GABRA1: variants seen among roughly 807,000 people sequenced by gnomAD.
The protein encoded by GABRA1 is gamma-aminobutyric acid type A receptor subunit alpha1.
Under a neutral mutation model 48.9 loss-of-function variants are expected in GABRA1, and 9 were observed. The ratio of observed to expected loss-of-function variants is 0.18; its 90% CI spans 0.11 to 0.32. The LOEUF (loss-of-function observed/expected upper bound fraction) is 0.32, where lower values mean the gene tolerates loss of function less well. Ranked by LOEUF, GABRA1 falls within the 10% of genes least tolerant of loss-of-function variation. GABRA1 has a pLI of 1.00. For missense variants in GABRA1, 285 were observed against 553.8 expected (o/e 0.51, Z 4.87); for synonymous variants, 210 against 198.7 (o/e 1.06, Z -0.48).
At chr5:161,874,555 A>AT (rs985818771) in intron 5 of GABRA1, among the ~76,000 whole-genome samples, 2 of 152,134 alleles carry the variant, frequency 1.3e-5, no homozygotes, top group African/African-American at 4.8e-5. Context: ...TGGTTTATTG[A>AT]TTAATGGTTT....
chr5:161,893,818 C>A (rs1182025636), intron 8 of GABRA1, among the ~76,000 whole-genome samples: 4 of 152,042 alleles, frequency 2.6e-5, no homozygotes, highest in Admixed American at 2.6e-4. Flanking sequence ...AAAAATTTAG[C>A]AAATAAAAAA....
In GABRA1 at chr5:161,850,469, G is replaced by C. The variant is rs181252817; in HGVS notation, c.-15-327G>C. On this transcript the variant is annotated intron_variant, in intron 1 of 9. Coordinates refer to ENST00000393943, the MANE Select transcript of GABRA1 (RefSeq NM_001127644.2). ...ATTTAGATGATAAACAACAAGAAGA[G>C]AATAAACCAAACTATATTCTAAATA... is the stretch of plus-strand genomic sequence containing the variant. The C allele has an allele frequency of 1.7e-3, 815 of 491,310 alleles. 3 individuals carry two copies. Among genetic ancestry groups the C allele is most frequent in the African/African-American group, 0.014 (700 of 51,066 alleles). 30.4% of individuals were successfully genotyped at this position (491,310 alleles called of 1,614,324 possible).
At chr5:161,884,773 G>C (rs562259452) in intron 7 of GABRA1, among the ~76,000 whole-genome samples, 23 of 152,242 alleles carry the variant, frequency 1.5e-4, no homozygotes, top group African/African-American at 2.9e-4. Flanking sequence ...AGTCTCAAAG[G>C]TTGCTTAGAG....
At chr5:161,887,114 T>C (rs1239454900) in intron 7 of GABRA1, among the ~76,000 whole-genome samples, 1 of 152,202 alleles carries the variant, frequency 6.6e-6, no homozygotes, top group Non-Finnish European at 1.5e-5. Flanking sequence ...CTGCAAGTTC[T>C]CCATATTTAC....
intron 3 of GABRA1, among the ~76,000 whole-genome samples, chr5:161,859,437 G>C (rs1269827863): frequency 1.3e-5 from 2 of 151,752 alleles, no homozygotes; most frequent in African/African-American, 4.8e-5. Context: ...GCTTCTTAGG[G>C]AATTGGCTTG....
chr5:161,883,941 T>C (rs991292257), intron 7 of GABRA1, among the ~76,000 whole-genome samples: 3 of 152,056 alleles, frequency 2.0e-5, no homozygotes, highest in South Asian at 2.1e-4. Flanking sequence ...CCAAGTGGCA[T>C]AGTGGAAAGG....
rs1390417076 is a variant in GABRA1, at chr5:161,895,811, A to G, written c.1002A>G (p.Val334=). 3.1e-6 allele frequency: 5 copies of G among 1,613,960 alleles called. No individual in the cohort carries two copies. Among genetic ancestry groups the G allele is most frequent in the Non-Finnish European group, 4.2e-6 (5 of 1,179,968 alleles). ...CAGCTCTGATTGAGTTTGCCACAGT[A>G]AACTATTTCACTAAGAGAGGTTATG... The part of the protein sequence containing the change: ...VFSALIEFAT[V]NYFTKRGYAW... The change falls in exon 9 of 10, where the codon GTA becomes GTG. Residue 334 remains valine, a synonymous_variant. Transcript: ENST00000393943.
In GABRA1 at chr5:161,882,297, A is replaced by G. The variant is rs4921199; in HGVS notation, c.560-261A>G. ...TAAGATAAAGAACATTTGTTCTTAT[A>G]TTCACTACTGTATCCCCAGCACAGT... On this transcript the variant is annotated intron_variant, in intron 6 of 9. Coordinates refer to ENST00000393943, the MANE Select transcript of GABRA1 (RefSeq NM_001127644.2). The G allele has an allele frequency of 0.45, 226,251 of 505,766 alleles. 52,553 individuals carry two copies. Among genetic ancestry groups the G allele is most frequent in the East Asian group, 0.62 (17,062 of 27,430 alleles). 31.3% of individuals were successfully genotyped at this position (505,766 alleles called of 1,614,324 possible). A position where few individuals can be genotyped will look rare whatever the true frequency, so the allele number is the denominator to read the frequency against.
At chr5:161,850,239 AGT>A (rs1365412128) in intron 1 of GABRA1, 1 of 167,530 alleles carries the variant, frequency 6.0e-6, no homozygotes, top group African/African-American at 2.4e-5. Context: ...GGCATTCAAC[AGT>A]GTGTTTCCTA....
chr5:161,878,206 A>G (rs908066725), intron 6 of GABRA1, among the ~76,000 whole-genome samples: 1 of 152,176 alleles, frequency 6.6e-6, no homozygotes, highest in Non-Finnish European at 1.5e-5. Flanking sequence ...TTCAGAAAAG[A>G]GAGTGTAAGA....
intron 2 of GABRA1, among the ~76,000 whole-genome samples, chr5:161,853,225 G>A (rs767999757): frequency 5.3e-5 from 8 of 151,824 alleles, no homozygotes; most frequent in Non-Finnish European, 1.2e-4. Context: ...ATTGATGTAG[G>A]AAATACACAA....
In GABRA1 at chr5:161,869,111, A is replaced by G. The variant is rs1309954776; in HGVS notation, c.255+3323A>G. Among the ~76,000 whole-genome samples the G allele has an allele frequency of 1.1e-4, 16 of 152,324 alleles. 1 individual carries two copies. In the East Asian group the frequency reaches 2.9e-3, roughly 28 times the overall value. ...ACATTATAGGAGAATTGTGTACAAG[A>G]AGAAGCAGCATGATTTAGAAGCAAT... On this transcript the variant is annotated intron_variant, in intron 4 of 9. Transcript: ENST00000393943.
chr5:161,867,491 A>G (rs140084373), intron 4 of GABRA1, among the ~76,000 whole-genome samples: 2 of 152,294 alleles, frequency 1.3e-5, no homozygotes, highest in South Asian at 2.1e-4. Context: ...CAGCAGCAGC[A>G]TGACCTTGAA....
At chr5:161,891,912 A>G (rs1755108235) in intron 8 of GABRA1, among the ~76,000 whole-genome samples, 1 of 152,220 alleles carries the variant, frequency 6.6e-6, no homozygotes, top group African/African-American at 2.4e-5. Context: ...GCTATTCTAT[A>G]CAATTAGCCT....
At position 161,896,650 on chromosome 5, in the gene GABRA1, C is replaced by T. The variant is rs531370043; in HGVS notation, c.1060-461C>T. 2.0e-5 allele frequency among the ~76,000 whole-genome samples: 3 copies of T among 152,288 alleles called. No individual in the cohort carries two copies. The South Asian group carries it at 6.2e-4, about 32-fold the overall frequency. ...TTTAGAAATAATCTAGAAGGAGTCA[C>T]TTGACATAAGCTTTTCTGAAACTTT... On this transcript the variant is annotated intron_variant, in intron 9 of 9. Coordinates refer to ENST00000393943, the MANE Select transcript of GABRA1 (RefSeq NM_001127644.2).
intron 5 of GABRA1, 28 bp from the exon 6 acceptor site, chr5:161,875,532 C>T: frequency 1.3e-6 from 2 of 1,574,680 alleles, no homozygotes; most frequent in South Asian, 2.2e-5. Context: ...CTATATGGCT[C>T]TTGTTTGTAT....
chr5:161,850,312 G>T, intron 1 of GABRA1: 1 of 270,166 alleles, frequency 3.7e-6, no homozygotes. Flanking sequence ...AGAATTCAAA[G>T]AGGAATTCAG....
chr5:161,892,822 G>C (rs1755159440), intron 8 of GABRA1, among the ~76,000 whole-genome samples: 1 of 151,872 alleles, frequency 6.6e-6, no homozygotes, highest in Non-Finnish European at 1.5e-5. Flanking sequence ...GGCCAACATG[G>C]TGAAACCCCG....
intron 6 of GABRA1, 181 bp from the exon 7 acceptor site, chr5:161,882,376 CT>C (rs1285476934): frequency 1.1e-5 from 5 of 470,682 alleles, no homozygotes; most frequent in Non-Finnish European, 7.0e-6. Context: ...GAATAAATGA[CT>C]AAAAAAAAAA....
Sources: allele counts gnomAD v4.1 joint callset (sites outside exome capture counted in the v4.1 genomes callset), GRCh38; gene constraint gnomAD v4.1.1; transcripts MANE v1.5; gene names NCBI Gene and HGNC (gene_info 2026-07-23, HGNC 2026-07-21).